ARHGEF9: variants seen among roughly 807,000 people sequenced by gnomAD.
The protein encoded by ARHGEF9 is rho guanine nucleotide exchange factor 9.
ARHGEF9 carries 2 observed loss-of-function variants against 41.3 expected under a neutral mutation model. The observed-to-expected ratio is 0.05, with a 90% CI of 0.02 to 0.15. The LOEUF is 0.15. Ranked by LOEUF, ARHGEF9 falls within the 10% of genes least tolerant of loss-of-function variation. The pLI is 1.00. For missense variants in ARHGEF9, 225 were observed against 424.7 expected (o/e 0.53, Z 4.13); for synonymous variants, 160 against 154.4 (o/e 1.04, Z -0.27).
At chrX:63,692,659 A>C (rs2051429074) in intron 4 of ARHGEF9, among the ~76,000 whole-genome samples, 1 of 112,215 alleles carries the variant, frequency 8.9e-6, no homozygotes, top group African/African-American at 3.2e-5. Context: ...GGAAAACTAA[A>C]CACAGAAGTA....
rs1252451618 is a variant in ARHGEF9 at position 63,635,762 on chromosome X, C to T, written c.*2266G>A. On this transcript the variant is annotated 3_prime_UTR_variant, in exon 10 of 10. Transcript: ENST00000671741. ...AGGCCCAGAAACTTGTCCAAGCATC[C>T]CCTCCCGGTGTGCTGCCAACCCTCG... 3.8e-5 allele frequency: 7 copies of T among 185,210 alleles called. No individual in the cohort carries two copies. The highest frequency in any genetic ancestry group is 8.7e-5 in the Admixed American group (1 of 11,556). The allele number at this position is 185,210 out of a possible 1,213,427, so 15.3% of individuals were successfully genotyped here.
rs147488980 is a variant in ARHGEF9 at position 63,752,472 on chromosome X, A to G, written c.31-27761T>C. On this transcript the variant is annotated intron_variant, in intron 1 of 9. Transcript: ENST00000671741. ...AAAACAAAGTGCCCAGAAAAGATAT[A>G]AGCTTACTTTAAATAATACAATGAA... Among the ~76,000 whole-genome samples, 49 of 112,113 alleles carry G rather than the reference A, an allele frequency of 4.4e-4. 1 individual carries two copies. In the East Asian group the frequency reaches 0.012, roughly 28 times the overall value.
chrX:63,732,276 C>T (rs2054352975), intron 1 of ARHGEF9: 2 of 111,609 alleles, frequency 1.8e-5, no homozygotes, highest in Admixed American at 1.9e-4. Context: ...TTTCCTACTG[C>T]CTGCTCCACA....
rs1411660622 is a variant in ARHGEF9 at position 63,637,866 on chromosome X, GTGTGTGTGTGTGTGTC to G, written c.*146_*161del. On this transcript the variant is annotated 3_prime_UTR_variant, in exon 10 of 10. Coordinates refer to ENST00000671741, the MANE Select transcript of ARHGEF9 (RefSeq NM_001353921.2). ...TCTCTCTGTGTGTGTGTGTGTGTGT[GTGTGTGTGTGTGTGTC>G]TGTGTGTGTGTGTGTGTATGTGTAC... 39 of 412,488 alleles carry G rather than the reference GTGTGTGTGTGTGTGTC, an allele frequency of 9.5e-5. No individual in the cohort carries two copies. Among genetic ancestry groups the G allele is most frequent in the Non-Finnish European group, 1.3e-4 (31 of 243,534 alleles). The allele number at this position is 412,488 out of a possible 1,213,427, so 34.0% of individuals were successfully genotyped here.
chrX:63,710,969 A>G (rs1389649186), intron 2 of ARHGEF9, among the ~76,000 whole-genome samples: 4 of 111,993 alleles, frequency 3.6e-5, no homozygotes, highest in Non-Finnish European at 5.7e-5. Context: ...TAATGAATAA[A>G]TAAGTTCAGC....
chrX:63,723,950 C>T (rs2053800898), intron 2 of ARHGEF9, among the ~76,000 whole-genome samples: 1 of 112,011 alleles, frequency 8.9e-6, no homozygotes, highest in African/African-American at 3.2e-5. Context: ...CCACTTGATT[C>T]TCTTGAAAAA....
intron 1 of ARHGEF9, among the ~76,000 whole-genome samples, chrX:63,772,156 C>T (rs1195298871): frequency 1.2e-4 from 13 of 112,478 alleles, no homozygotes; most frequent in East Asian, 8.3e-4. Context: ...CAAAATTACA[C>T]AGCTGGTCTG....
Position 63,768,473 on chromosome X carries a change from T to C in ARHGEF9, c.30+16643A>G, listed in dbSNP as rs530457001. 6.2e-5 allele frequency among the ~76,000 whole-genome samples: 7 copies of C among 112,486 alleles called. No homozygotes were observed. The Admixed American group carries it at 6.6e-4, about 11-fold the overall frequency. On this transcript the variant is annotated intron_variant, in intron 1 of 9. Coordinates refer to ENST00000671741, the MANE Select transcript of ARHGEF9 (RefSeq NM_001353921.2). ...GTGGGTGTCTTTTTGATATAATGAC[T>C]TCTTTCCCTCTGGGCAGATACCCAG...
intron 4 of ARHGEF9, among the ~76,000 whole-genome samples, chrX:63,684,849 T>A (rs2050882941): frequency 9.1e-6 from 1 of 109,650 alleles, no homozygotes; most frequent in Non-Finnish European, 1.9e-5. Flanking sequence ...GAGGACATTA[T>A]GCTACATGAA....
intron 9 of ARHGEF9, chrX:63,641,169 T>G (rs1274207437): frequency 4.6e-5 from 5 of 109,772 alleles, no homozygotes; most frequent in African/African-American, 1.7e-4. Context: ...CTGGCCAACA[T>G]GGTGAAACCC....
intron 1 of ARHGEF9, among the ~76,000 whole-genome samples, chrX:63,726,108 G>A (rs2053947929): frequency 8.9e-6 from 1 of 112,077 alleles, no homozygotes; most frequent in Non-Finnish European, 1.9e-5. Context: ...TTCAGGTCCT[G>A]CCAGATGCAT....
chrX:63,698,867 T>C (rs1418809917), intron 3 of ARHGEF9, among the ~76,000 whole-genome samples: 1 of 112,419 alleles, frequency 8.9e-6, no homozygotes, highest in Non-Finnish European at 1.9e-5. Flanking sequence ...GAAAATTTCC[T>C]GCATTCTTTC....
intron 6 of ARHGEF9, among the ~76,000 whole-genome samples, chrX:63,673,174 C>T (rs1284843516): frequency 3.6e-5 from 4 of 111,289 alleles, no homozygotes; most frequent in Non-Finnish European, 7.5e-5. Context: ...TCCCTTGGAA[C>T]GGGCTAAAAT....
chrX:63,689,052 T>C (rs1295307925), intron 4 of ARHGEF9, among the ~76,000 whole-genome samples: 11 of 110,312 alleles, frequency 1.0e-4, no homozygotes, highest in Non-Finnish European at 1.7e-4. Context: ...CAAAGGAAGA[T>C]AGTAGTAAAA....
At chrX:63,778,454 C>G (rs2056329467) in intron 1 of ARHGEF9, among the ~76,000 whole-genome samples, 1 of 112,303 alleles carries the variant, frequency 8.9e-6, no homozygotes, top group African/African-American at 3.2e-5. Flanking sequence ...AGACATTTTC[C>G]TCATTGTCTT....
intron 2 of ARHGEF9, among the ~76,000 whole-genome samples, chrX:63,706,691 G>A (rs2052568657): frequency 9.0e-6 from 1 of 111,661 alleles, no homozygotes; most frequent in Non-Finnish European, 1.9e-5. Context: ...ATTCATTCAT[G>A]CTGGAGCACA....
chrX:63,695,773 G>A (rs1212030546), intron 4 of ARHGEF9, among the ~76,000 whole-genome samples: 8 of 111,835 alleles, frequency 7.2e-5, no homozygotes, highest in East Asian at 2.8e-4. Context: ...TGTGGTTTAT[G>A]CTAAATACCT....
chrX:63,760,716 G>C (rs1556449277), intron 1 of ARHGEF9, among the ~76,000 whole-genome samples: 1 of 111,798 alleles, frequency 8.9e-6, no homozygotes, highest in African/African-American at 3.3e-5. Context: ...GGGAGGAGGA[G>C]AAGGAAACAC....
At position 63,689,420 on chromosome X, in the gene ARHGEF9, T is replaced by C. The variant is rs183899137; in HGVS notation, c.582+7705A>G. On this transcript the variant is annotated intron_variant, in intron 4 of 9. Transcript: ENST00000671741. ...GACAAAGAATGTCATTATATAATAA[T>C]AAATGGGTCAATTCAGCTACAGGAT... Among the ~76,000 whole-genome samples, 5 of 112,088 alleles carry C rather than the reference T, an allele frequency of 4.5e-5. No homozygotes were observed. In the East Asian group the frequency reaches 1.4e-3, roughly 31 times the overall value.
Sources: allele counts gnomAD v4.1 joint callset (sites outside exome capture counted in the v4.1 genomes callset), GRCh38; gene constraint gnomAD v4.1.1; transcripts MANE v1.5; gene names NCBI Gene and HGNC (gene_info 2026-07-23, HGNC 2026-07-21).